MBOAT7: variants seen among roughly 807,000 people sequenced by gnomAD.
MBOAT7 encodes the protein membrane bound acylglycerophosphatidylinositol O-acyltransferase MBOAT7.
In MBOAT7, 40 loss-of-function variants were observed where a neutral mutation model predicts 47.4. The ratio of observed to expected loss-of-function variants is 0.84; its 90% confidence interval spans 0.66 to 1.10. The LOEUF is 1.10. Among genes scored for constraint, MBOAT7 ranks in the 50% least tolerant of loss-of-function variants. The pLI is 0.00. For missense variants in MBOAT7, 680 were observed against 655.6 expected (o/e 1.04, Z -0.41); for synonymous variants, 361 against 292.0 (o/e 1.24, Z -2.41).
intron 4 of MBOAT7, 137 bp from the exon 5 acceptor site, chr19:54,183,817 G>T: frequency 1.2e-6 from 1 of 825,602 alleles, no homozygotes; most frequent in Non-Finnish European, 1.8e-6. Context: ...TGTGTGTAAC[G>T]CCTCTAGCTG....
chr19:54,188,023 A>AAGACAGAAAGACAGAAAGAC (rs1491180155), intron 3 of MBOAT7, among the ~76,000 whole-genome samples, 194 bp downstream of exon 3: 2 of 91,332 alleles, frequency 2.2e-5, no homozygotes, highest in Admixed American at 1.3e-4. Flanking sequence ...CTCAGAAAGA[A>AAGACAGAAAGACAGAAAGAC]AGAAAGAAAG....
intron 7 of MBOAT7, among the ~76,000 whole-genome samples, chr19:54,177,097 T>C (rs1026082438): frequency 9.3e-5 from 14 of 151,058 alleles, no homozygotes; most frequent in Non-Finnish European, 1.6e-4. Context: ...GAGATGGAGG[T>C]TGCAGTGAGC....
rs961811046 is a variant in MBOAT7 at position 54,188,528 on chromosome 19, G to A, written c.-3-17C>T. On this transcript the variant is annotated splice_polypyrimidine_tract_variant and intron_variant, in intron 1 of 7. Transcript: ENST00000245615. ...CGACATGGTCTGGGGGAGGGGCAGA[G>A]ATTCACAGTGAGAACCCAGGAATCC... is the stretch of plus-strand genomic sequence containing the variant. 1.1e-5 allele frequency: 17 copies of A among 1,549,990 alleles called. No individual in the cohort carries two copies. The highest frequency in any genetic ancestry group is 1.5e-5 in the Non-Finnish European group (17 of 1,146,200).
At chr19:54,181,499 T>C (rs2076269901) in intron 5 of MBOAT7, among the ~76,000 whole-genome samples, 1 of 148,500 alleles carries the variant, frequency 6.7e-6, no homozygotes, top group African/African-American at 2.5e-5. Context: ...CTACAAAAAA[T>C]AAAAATCAGC....
In MBOAT7 at chr19:54,178,939, G is replaced by A. The variant is rs757489929; in HGVS notation, c.857C>T (p.Pro286Leu). ...ATACTCCAAGGAAGCCGCCTTCTCC[G>A]GACTGGGGGGTGGAGGATGAGGGTG... The part of the protein sequence containing the change: ...PTLQCPPPSS[P>L]EKAASLEYDY... The change falls in exon 7 of 8, where the codon CCG becomes CTG. Residue 286 changes from proline (P) to leucine (L), a missense_variant and splice_region_variant. Physicochemically the swap from Pro to Leu is moderately conservative, Grantham distance 98. Transcript: ENST00000245615. 3.1e-6 allele frequency: 5 copies of A among 1,612,552 alleles called. No individual in the cohort carries two copies. Among genetic ancestry groups the A allele is most frequent in the Non-Finnish European group, 4.2e-6 (5 of 1,179,658 alleles).
chr19:54,183,471 AG>A (rs1184370503), intron 5 of MBOAT7, 49 bp downstream of exon 5: 5 of 1,582,610 alleles, frequency 3.2e-6, no homozygotes, highest in Non-Finnish European at 4.3e-6. Flanking sequence ...TCAGGGCGGA[AG>A]GGGACACAGG....
intron 3 of MBOAT7, among the ~76,000 whole-genome samples, chr19:54,187,744 G>A (rs36630): frequency 0.11 from 17,352 of 152,170 alleles, 1,297 homozygotes; most frequent in East Asian, 0.29. Context: ...AAGGCCGGAT[G>A]CGGTGGCTCA....
chr19:54,188,517 G>A lies in MBOAT7; in HGVS notation c.-3-6C>T. ...CATTCTTCAGGCGACATGGTCTGGGGGAGGGGCAGAGATTCACAGTGAGAA... is the reference window on the plus strand; with the variant it reads ...CATTCTTCAGGCGACATGGTCTGGGAGAGGGGCAGAGATTCACAGTGAGAA... On this transcript the variant is annotated splice_region_variant and splice_polypyrimidine_tract_variant and intron_variant, in intron 1 of 7. Transcript: ENST00000245615. 6.4e-7 allele frequency: 1 copy of A among 1,551,910 alleles called. No homozygotes were observed. The highest frequency in any genetic ancestry group is 1.2e-5 in the South Asian group (1 of 84,094).
In MBOAT7 at chr19:54,173,461, C is replaced by CA; in HGVS notation, c.*582dup. 4.3e-6 allele frequency: 1 copy of CA among 230,242 alleles called. No individual in the cohort carries two copies. Among genetic ancestry groups the CA allele is most frequent in the Admixed American group, 5.3e-5 (1 of 18,938 alleles). 14.3% of individuals were successfully genotyped at this position (230,242 alleles called of 1,614,324 possible). On this transcript the variant is annotated 3_prime_UTR_variant, in exon 8 of 8. Transcript: ENST00000245615. ...GAAAGATTTACACACGGTGACCTGT[C>CA]ATAGGCCAAGCGATGAGAAGAGGGC...
intron 5 of MBOAT7, among the ~76,000 whole-genome samples, 187 bp from the exon 6 acceptor site, chr19:54,181,320 A>G (rs1568802493): frequency 3.3e-5 from 5 of 151,826 alleles, no homozygotes; most frequent in Admixed American, 6.6e-5. Flanking sequence ...AACGAGAGAC[A>G]GGGGGGACAA....
At chr19:54,179,225 T>C (rs1201261590) in intron 6 of MBOAT7, 5 of 544,518 alleles carry the variant, frequency 9.2e-6, no homozygotes, top group Non-Finnish European at 1.6e-5. Flanking sequence ...TGAAGGGCTA[T>C]GGTTGCTAAG....
rs1371001438 is a variant in MBOAT7 at position 54,180,185 on chromosome 19, C to T, written c.854+588G>A. On this transcript the variant is annotated intron_variant, in intron 6 of 7. Transcript: ENST00000245615. The surrounding 1 kb of genome is among the most constrained non-coding windows in gnomAD (Gnocchi z 5.2). Reference sequence around the variant, plus strand: ...GTCAGGGATTGGAAATTGCTATTTCCTTGCAGAGGGCTGCTGAGGGCTGCT... The same window carrying T: ...GTCAGGGATTGGAAATTGCTATTTCTTTGCAGAGGGCTGCTGAGGGCTGCT... 6.6e-6 allele frequency: 1 copy of T among 152,362 alleles called. No individual in the cohort carries two copies. Among genetic ancestry groups the T allele is most frequent in the Non-Finnish European group, 1.5e-5 (1 of 68,190 alleles). 9.4% of individuals were successfully genotyped at this position (152,362 alleles called of 1,614,324 possible).
At position 54,183,670 on chromosome 19, in the gene MBOAT7, A is replaced by G. The variant is rs1261135539; in HGVS notation, c.344T>C (p.Leu115Pro). 8 of 1,568,596 alleles carry G rather than the reference A, an allele frequency of 5.1e-6. No individual in the cohort carries two copies. Among genetic ancestry groups the G allele is most frequent in the East Asian group, 2.4e-5 (1 of 42,192 alleles). Reference sequence around the variant, plus strand: ...ATGCAGGTCCTGGACTTCACTGGCCAGGCTCACCAGCTGGGCAGAAGGGGG... The same window carrying G: ...ATGCAGGTCCTGGACTTCACTGGCCGGGCTCACCAGCTGGGCAGAAGGGGG... ...QLLLTLKLVS[L>P]ASEVQDLHLA... Residue 115 changes from leucine to proline, a missense_variant, in exon 5 of 8, where the codon CTG becomes CCG. Transcript: ENST00000245615.
Position 54,178,780 on chromosome 19 carries a change from C to T in MBOAT7, c.1016G>A (p.Arg339His), listed in dbSNP as rs761264534. 1.1e-5 allele frequency: 17 copies of T among 1,613,250 alleles called. No homozygotes were observed. The highest frequency in any genetic ancestry group is 2.7e-5 in the African/African-American group (2 of 74,950). The change falls in exon 7 of 8, where the codon CGT becomes CAT. Residue 339 changes from arginine to histidine, a missense_variant. Arg to His is a conservative substitution (Grantham distance 29). Coordinates refer to ENST00000245615, the MANE Select transcript of MBOAT7 (RefSeq NM_024298.5). The part of the protein sequence containing the change: ...AQYIYKSAPA[R>H]SYVLRSAWTM... The stretch of plus-strand genomic sequence containing the variant: ...GCTCACTCACCGCAGGACATAGGAA[C>T]GGGCAGGTGCGCTCTTGTAGATATA...
rs2076186434 is a variant in MBOAT7, at chr19:54,178,840, T to C, written c.956A>G (p.Tyr319Cys). ...FCVRVRDGMR[Y>C]WNMTVQWWLA... The stretch of plus-strand genomic sequence containing the variant: ...CCACCACTGCACCGTCATGTTCCAG[T>C]ACCGCATGCCATCGCGCACCCGCAC... Residue 319 changes from tyrosine (Y) to cysteine (C), a missense_variant, in exon 7 of 8, where the codon TAC (tyrosine) becomes TGC (cysteine). By Grantham distance (194) the Tyr-to-Cys change is radical. Coordinates refer to ENST00000245615, the MANE Select transcript of MBOAT7 (RefSeq NM_024298.5). 1.9e-6 allele frequency: 3 copies of C among 1,613,554 alleles called. No individual in the cohort carries two copies. The highest frequency in any genetic ancestry group is 1.3e-5 in the African/African-American group (1 of 74,948).
rs1336594509 is a variant in MBOAT7, at chr19:54,181,009, C to A, written c.618G>T (p.Leu206=). ...WPAPLFGLLF[L]LSSHLFPLEA... ...CCAGCGGGAAGAGGTGAGAGGAGAG[C>A]AGGAACAGCAGGCCGAAGAGCGGGG... Residue 206 remains leucine, a synonymous_variant, in exon 6 of 8, where the codon CTG becomes CTT. Transcript: ENST00000245615. 1 of 1,557,740 alleles carries A rather than the reference C, an allele frequency of 6.4e-7. No individual in the cohort carries two copies. The highest frequency in any genetic ancestry group is 8.7e-7 in the Non-Finnish European group (1 of 1,151,466).
intron 7 of MBOAT7, among the ~76,000 whole-genome samples, chr19:54,177,909 T>TAG (rs1568787490): frequency 1.6e-5 from 1 of 64,304 alleles, no homozygotes; most frequent in African/African-American, 4.4e-5. Flanking sequence ...TGTTTTTTTT[T>TAG]TTTTTTTTTT....
chr19:54,187,516 G>A (rs1487217482), intron 3 of MBOAT7, among the ~76,000 whole-genome samples: 2 of 152,210 alleles, frequency 1.3e-5, no homozygotes, highest in Non-Finnish European at 2.9e-5. Context: ...CAGAGAATGA[G>A]GTTAAGAGAA....
chr19:54,188,663 C>T lies in MBOAT7; in HGVS notation c.-3-152G>A, dbSNP rs542113323. On this transcript the variant is annotated intron_variant, in intron 1 of 7. Transcript: ENST00000245615. ...CAGCTCCTCTCCTTTGAGAACCTAG[C>T]AACCCAGACTCCAGCCCCTTCCTCC... 6.6e-5 allele frequency among the ~76,000 whole-genome samples: 10 copies of T among 152,158 alleles called. 1 individual carries two copies. Among genetic ancestry groups the T allele is most frequent in the African/African-American group, 2.4e-4 (10 of 41,478 alleles).
Sources: gnomAD v4.1 joint callset for allele counts (sites outside exome capture counted in the v4.1 genomes callset) on GRCh38, gnomAD v4.1.1 for gene constraint, Gnocchi (gnomAD v3.1) non-coding constraint, MANE v1.5 for transcripts, NCBI Gene and HGNC (gene_info 2026-07-23, HGNC 2026-07-21) for gene names.